Variants in DDX60L observed in about 807,000 individuals in gnomAD.
The protein encoded by DDX60L is DExD/H-box 60 like, also known as probable ATP-dependent RNA helicase DDX60-like.
DDX60L carries 191 observed loss-of-function variants against 211.6 expected under a neutral mutation model. That is an observed-to-expected ratio of 0.90 (90% CI 0.80 to 1.02). The LOEUF is 1.02. Ranked by LOEUF, DDX60L falls within the 50% of genes least tolerant of loss-of-function variation. The pLI is 0.00. For synonymous variants in DDX60L, 706 were observed against 694.1 expected, an observed-to-expected ratio of 1.02 and a Z score of -0.27; for missense variants, 2,007 against 1,984.1, an observed-to-expected ratio of 1.01 and a Z score of -0.22.
intron 10 of DDX60L, among the ~76,000 whole-genome samples, chr4:168,433,996 TGGA>T (rs1327135583): frequency 6.6e-6 from 1 of 152,210 alleles, no homozygotes; most frequent in African/African-American, 2.4e-5. Flanking sequence ...ATTGTTATTG[TGGA>T]GAAGTCTGCT....
At position 168,423,729 on chromosome 4, in the gene DDX60L, C is replaced by T; in HGVS notation, c.1976G>A (p.Arg659Lys). 3.7e-6 allele frequency: 6 copies of T among 1,603,664 alleles called. No homozygotes were observed. The highest frequency in any genetic ancestry group is 5.1e-6 in the Non-Finnish European group (6 of 1,176,544). The stretch of plus-strand genomic sequence containing the variant: ...GTATCTCTCCAGGAGTGAATGAATC[C>T]TTTTCATCATTTGAACAGCTATACT... ...DLSIAVQMMK[R>K]IHSLLERYPE... The change falls in exon 15 of 38, where the codon AGG (arginine) becomes AAG (lysine). Residue 659 changes from arginine (R) to lysine (K), a missense_variant. Coordinates refer to ENST00000682922, the MANE Select transcript of DDX60L (RefSeq NM_001012967.3).
At chr4:168,384,499 AC>A (rs1743506309) in intron 30 of DDX60L, 112 bp downstream of exon 30, 1 of 1,367,462 alleles carries the variant, frequency 7.3e-7, no homozygotes, top group East Asian at 2.5e-5. Flanking sequence ...AAACAATCAA[AC>A]AAAAAGAAAG....
chr4:168,420,441 AG>A, intron 17 of DDX60L, 61 bp from the exon 18 acceptor site: 2 of 1,456,108 alleles, frequency 1.4e-6, no homozygotes, highest in Non-Finnish European at 1.9e-6. Flanking sequence ...TAAAACCTTG[AG>A]GACAACCGAA....
chr4:168,429,504 C>A (rs1164541910), intron 13 of DDX60L, among the ~76,000 whole-genome samples: 4 of 152,156 alleles, frequency 2.6e-5, no homozygotes, highest in African/African-American at 9.7e-5. Context: ...GCTTGTAATT[C>A]TTTGATGCAT....
chr4:168,472,048 T>C, intron 3 of DDX60L, 112 bp from the exon 4 acceptor site: 3 of 759,732 alleles, frequency 3.9e-6, no homozygotes, highest in Non-Finnish European at 6.3e-6. Context: ...CTCATGCCAG[T>C]CCATGATGCC....
Position 168,432,491 on chromosome 4 carries a change from T to C in DDX60L, c.1480A>G (p.Ser494Gly). 1 of 1,584,038 alleles carries C rather than the reference T, an allele frequency of 6.3e-7. No individual in the cohort carries two copies. The highest frequency in any genetic ancestry group is 8.6e-7 in the Non-Finnish European group (1 of 1,162,926). ...CATTTGATCCTGTCATAGTCGTCAC[T>C]AAGGAGTCTTTGAGCATGCCAGTGC... ...LLHWHAQRLL[S>G]DDYDRIKCHV... Residue 494 changes from serine to glycine, a missense_variant, in exon 12 of 38, where the codon AGT (serine) becomes GGT (glycine). Transcript: ENST00000682922.
chr4:168,364,495 G>A (rs556831598), intron 36 of DDX60L, among the ~76,000 whole-genome samples: 64 of 152,132 alleles, frequency 4.2e-4, no homozygotes, highest in Non-Finnish European at 6.9e-4. Context: ...TCATCCAGGC[G>A]AAAAAATAAC....
chr4:168,448,970 T>A (rs1296927783), intron 8 of DDX60L, among the ~76,000 whole-genome samples, 191 bp from the exon 9 acceptor site: 1 of 152,206 alleles, frequency 6.6e-6, no homozygotes, highest in East Asian at 1.9e-4. Flanking sequence ...CTTTTAAAAC[T>A]GGGAATTGCA....
intron 36 of DDX60L, among the ~76,000 whole-genome samples, chr4:168,366,021 G>A (rs543222459): frequency 1.2e-4 from 19 of 152,082 alleles, no homozygotes; most frequent in South Asian, 4.1e-4. Flanking sequence ...AGATATGTAC[G>A]TCAACACAAT....
At chr4:168,470,325 G>A (rs770175298) in intron 4 of DDX60L, 16 of 152,172 alleles carry the variant, frequency 1.1e-4, no homozygotes, top group African/African-American at 3.6e-4. Context: ...ACGTCCACAC[G>A]AAGACTTGCA....
At position 168,383,047 on chromosome 4, in the gene DDX60L, C is replaced by G. The variant is rs559699157; in HGVS notation, c.4116+1565G>C. The stretch of plus-strand genomic sequence containing the variant: ...CTGAGATTTAGGAAAATGTAATTGC[C>G]TTATTAAAGTTAAATAGTCAGTAAA... On this transcript the variant is annotated intron_variant, in intron 30 of 37. Transcript: ENST00000682922. 1.1e-4 allele frequency among the ~76,000 whole-genome samples: 16 copies of G among 152,240 alleles called. No homozygotes were observed. In the East Asian group the frequency reaches 1.7e-3, roughly 17 times the overall value.
At chr4:168,452,413 C>G (rs1671165011) in intron 8 of DDX60L, among the ~76,000 whole-genome samples, 1 of 152,194 alleles carries the variant, frequency 6.6e-6, no homozygotes, top group Admixed American at 6.5e-5. Context: ...AATACAATCA[C>G]TCAAACGTAT....
At chr4:168,422,817 C>T in intron 15 of DDX60L, 147 bp from the exon 16 acceptor site, 1 of 662,568 alleles carries the variant, frequency 1.5e-6, no homozygotes, top group South Asian at 2.1e-5. Context: ...TCTCTGTCAC[C>T]CAGGCTGGAG....
At chr4:168,434,088 G>A (rs759500617) in intron 10 of DDX60L, among the ~76,000 whole-genome samples, 29 of 151,872 alleles carry the variant, frequency 1.9e-4, no homozygotes, top group Admixed American at 1.2e-3. Context: ...GGTTTGCTGC[G>A]GTTGCACTAT....
rs1478359099 is a variant in DDX60L, at chr4:168,462,582, G to A, written c.265-542C>T. ...AATCCCAGCAGTTTAGGAGGCCGAG[G>A]TGGGTGGATCATTTGAGGTCAGGAG... On this transcript the variant is annotated intron_variant, in intron 4 of 37. Transcript: ENST00000682922. Among the ~76,000 whole-genome samples the A allele has an allele frequency of 5.9e-5, 9 of 152,334 alleles. No homozygotes were observed. In the East Asian group the frequency reaches 1.7e-3, roughly 29 times the overall value.
At chr4:168,415,585 C>T in intron 21 of DDX60L, 68 bp from the exon 22 acceptor site, 2 of 1,423,358 alleles carry the variant, frequency 1.4e-6, no homozygotes, top group African/African-American at 1.5e-5. Context: ...ATTTAAAACA[C>T]AAAAATCCCT....
At chr4:168,450,436 G>A (rs1273809505) in intron 8 of DDX60L, among the ~76,000 whole-genome samples, 1 of 148,292 alleles carries the variant, frequency 6.7e-6, no homozygotes, top group Non-Finnish European at 1.5e-5. Flanking sequence ...GCTCAGGGGA[G>A]ACTGAATTGA....
chr4:168,391,321 T>C (rs1440512138), intron 29 of DDX60L, among the ~76,000 whole-genome samples: 1 of 152,222 alleles, frequency 6.6e-6, no homozygotes, highest in Non-Finnish European at 1.5e-5. Flanking sequence ...ATTAAGATTA[T>C]TAAGCCAATA....
chr4:168,374,349 T>C (rs1340061546), intron 34 of DDX60L, among the ~76,000 whole-genome samples: 1 of 152,164 alleles, frequency 6.6e-6, no homozygotes, highest in Non-Finnish European at 1.5e-5. Context: ...CCTCCCTGTC[T>C]TTTACTCCAA....
Sources: gnomAD v4.1 joint callset for allele counts (sites outside exome capture counted in the v4.1 genomes callset) on GRCh38, gnomAD v4.1.1 for gene constraint, MANE v1.5 for transcripts, NCBI Gene and HGNC (gene_info 2026-07-23, HGNC 2026-07-21) for gene names.